Variants in MYH15 observed in about 807,000 individuals in gnomAD.
The protein encoded by MYH15 is myosin-15.
A neutral mutation model predicts 240.5 loss-of-function variants in MYH15; 227 were observed. The observed-to-expected ratio is 0.94, with a 90% CI of 0.85 to 1.05. The LOEUF is 1.05. Among genes scored for constraint, MYH15 ranks in the 50% least tolerant of loss-of-function variants. The pLI is 0.00. For missense variants in MYH15, 2,217 were observed against 2,247.5 expected, an observed-to-expected ratio of 0.99 and a Z score of 0.27; for synonymous variants, 785 against 796.7, an observed-to-expected ratio of 0.99 and a Z score of 0.25.
At chr3:108,467,162 C>T (rs1473984669) in intron 14 of MYH15, among the ~76,000 whole-genome samples, 1 of 151,696 alleles carries the variant, frequency 6.6e-6, no homozygotes, top group East Asian at 1.9e-4. Flanking sequence ...CTGAGACATA[C>T]AGGTCTGAGT....
At chr3:108,470,874 T>C (rs762516887) in intron 12 of MYH15, 27 bp from the exon 13 acceptor site, 9 of 1,610,694 alleles carry the variant, frequency 5.6e-6, no homozygotes, top group Non-Finnish European at 6.8e-6. Flanking sequence ...AAACACTCCT[T>C]CATCTGACTG....
chr3:108,421,190 G>C lies in MYH15; in HGVS notation c.3727C>G (p.Leu1243Val), dbSNP rs781200673. The part of the protein sequence containing the change: ...AKANAEKLCT[L>V]YEERLHEATA... ...GCTTCATGCAAGCGCTCTTCATATAGAGTACAGAGTTTCTCAGCATTTGCC... is the reference window on the plus strand; with the variant it reads ...GCTTCATGCAAGCGCTCTTCATATACAGTACAGAGTTTCTCAGCATTTGCC... The change falls in exon 28 of 41, where the codon CTA becomes GTA. Residue 1243 changes from leucine to valine, a missense_variant. Physicochemically the swap from Leu to Val is conservative, Grantham distance 32. Transcript: ENST00000693548. 1 of 1,613,390 alleles carries C rather than the reference G, an allele frequency of 6.2e-7. No individual in the cohort carries two copies. Among genetic ancestry groups the C allele is most frequent in the Admixed American group, 1.7e-5 (1 of 60,020 alleles).
upstream of MYH15, among the ~76,000 whole-genome samples, chr3:108,529,918 A>G (rs976079216): frequency 2.6e-5 from 4 of 152,162 alleles, no homozygotes; most frequent in Non-Finnish European, 4.4e-5. Context: ...GATAGGAGAG[A>G]GCTGCTCAGA....
At chr3:108,519,834 GAT>G (rs1310391999) in intron 1 of MYH15, among the ~76,000 whole-genome samples, 4 of 152,102 alleles carry the variant, frequency 2.6e-5, no homozygotes, top group Non-Finnish European at 5.9e-5. Flanking sequence ...TCTAAAAGAT[GAT>G]ATATAAATTC....
chr3:108,463,174 A>T lies in MYH15; in HGVS notation c.1801T>A (p.Phe601Ile). 2.5e-6 allele frequency: 4 copies of T among 1,613,530 alleles called. No homozygotes were observed. The highest frequency in any genetic ancestry group is 1.7e-6 in the Non-Finnish European group (2 of 1,179,662). Residue 601 changes from phenylalanine to isoleucine, a missense_variant, in exon 16 of 41, where the codon TTT becomes ATT. Transcript: ENST00000693548. ...AGGAGTCTGTTGGAAGACTTCTGAA[A>T]TACAGCTACCACTGTTTCATTAAGG... ...DLLNETVVAV[F>I]QKSSNRLLAS...
At chr3:108,424,251 A>C (rs978272124) in intron 27 of MYH15, among the ~76,000 whole-genome samples, 1 of 152,244 alleles carries the variant, frequency 6.6e-6, no homozygotes, top group African/African-American at 2.4e-5. Context: ...TTGGACAGAT[A>C]GAAAAGGCAC....
intron 12 of MYH15, among the ~76,000 whole-genome samples, chr3:108,473,435 C>T (rs372708730): frequency 2.0e-4 from 30 of 152,256 alleles, no homozygotes; most frequent in African/African-American, 6.3e-4. Context: ...GCATATTTGA[C>T]GCTTAGTATC....
At position 108,389,071 on chromosome 3, in the gene MYH15, G is replaced by A. The variant is rs757653082; in HGVS notation, c.5434C>T (p.Arg1812Cys). ...CCCTCCAGTTCACCTTCCAGTTCAC[G>A]AACCTGCAACCAAAACGTGACCTCA... ...KQIQKLESRV[R>C]ELEGELEGEI... The change falls in exon 38 of 41, where the codon CGT becomes TGT. Residue 1812 changes from arginine to cysteine, a missense_variant. By Grantham distance (180) the Arg-to-Cys change is radical. Coordinates refer to ENST00000693548, the MANE Select transcript of MYH15 (RefSeq NM_014981.3). The A allele has an allele frequency of 4.0e-5, 64 of 1,613,650 alleles. No individual in the cohort carries two copies. The highest frequency in any genetic ancestry group is 4.7e-5 in the Non-Finnish European group (55 of 1,179,818).
rs565648989 is a variant in MYH15, at chr3:108,462,758, T to A, written c.1864+353A>T. Among the ~76,000 whole-genome samples the A allele has an allele frequency of 3.3e-5, 5 of 152,240 alleles. No individual in the cohort carries two copies. The South Asian group carries it at 1.0e-3, about 32-fold the overall frequency. ...TGCTGTGAAAGAGAATATTCTAAGA[T>A]ATTTGGGGCAATAACTATAATTATA... On this transcript the variant is annotated intron_variant, in intron 16 of 40. Transcript: ENST00000693548.
chr3:108,456,848 G>C lies in MYH15; in HGVS notation c.2056C>G (p.Arg686Gly), dbSNP rs764665272. The C allele has an allele frequency of 4.3e-5, 70 of 1,612,704 alleles. 1 individual carries two copies. Among genetic ancestry groups the C allele is most frequent in the Middle Eastern group, 1.6e-4 (1 of 6,078 alleles). The change falls in exon 19 of 41, where the codon CGC (arginine) becomes GGC (glycine). Residue 686 changes from arginine (R) to glycine (G), a missense_variant. By Grantham distance (125) the Arg-to-Gly change is moderately radical. Transcript: ENST00000693548. ...LDPYLVLQQL[R>G]CNGVLEGTRI... The stretch of plus-strand genomic sequence containing the variant: ...GTCCCTTCCAAGACACCATTACAGC[G>C]CAACTGCTGTAGAACCAAGTAAGGG...
At chr3:108,397,702 C>A (rs2082472562) in intron 35 of MYH15, among the ~76,000 whole-genome samples, 1 of 152,186 alleles carries the variant, frequency 6.6e-6, no homozygotes, top group African/African-American at 2.4e-5. Context: ...CTTCGTGTCA[C>A]TTACATAACC....
chr3:108,401,202 G>A (rs2082502030), intron 33 of MYH15, among the ~76,000 whole-genome samples: 1 of 152,122 alleles, frequency 6.6e-6, no homozygotes, highest in African/African-American at 2.4e-5. Flanking sequence ...CAAGACTTCA[G>A]AATATGACTA....
intron 1 of MYH15, among the ~76,000 whole-genome samples, chr3:108,521,911 T>C (rs528594693): frequency 1.4e-4 from 21 of 152,240 alleles, no homozygotes; most frequent in African/African-American, 4.6e-4. Context: ...AAGGGTGTGG[T>C]ATTGTGTCCA....
chr3:108,525,298 A>C (rs2083658513), intron 1 of MYH15, among the ~76,000 whole-genome samples: 1 of 152,090 alleles, frequency 6.6e-6, no homozygotes, highest in Admixed American at 6.6e-5. Context: ...TAAATGAATG[A>C]ACTCACTTTT....
chr3:108,384,841 T>G (rs2107531913), intron 38 of MYH15, 59 bp from the exon 39 acceptor site: 1 of 1,408,710 alleles, frequency 7.1e-7, no homozygotes, highest in Non-Finnish European at 1.0e-6. Flanking sequence ...TCTACGTTGG[T>G]GTAGTCTCAT....
At chr3:108,544,102 A>C in the MYH15 span, among the ~76,000 whole-genome samples, 2 of 152,226 alleles carry the variant, frequency 1.3e-5, no homozygotes, top group African/African-American at 4.8e-5. Flanking sequence ...ATCTAAAAGA[A>C]GCCACTGATT....
chr3:108,500,046 G>C, intron 4 of MYH15, 72 bp downstream of exon 4: 1 of 1,490,602 alleles, frequency 6.7e-7, no homozygotes, highest in East Asian at 2.4e-5. Context: ...CAATGCCTAA[G>C]TGCCTCTTAG....
At chr3:108,426,511 G>A (rs1437207556) in intron 27 of MYH15, among the ~76,000 whole-genome samples, 1 of 152,158 alleles carries the variant, frequency 6.6e-6, no homozygotes, top group Non-Finnish European at 1.5e-5. Flanking sequence ...GTTCAGCTCA[G>A]GTCACCACTC....
intron 12 of MYH15, among the ~76,000 whole-genome samples, chr3:108,471,055 G>C (rs997176523): frequency 2.2e-5 from 1 of 46,298 alleles, no homozygotes; most frequent in African/African-American, 7.5e-5. Context: ...AGGAGAAAGA[G>C]GAAGGAAGGG....
Sources: allele counts gnomAD v4.1 joint callset (sites outside exome capture counted in the v4.1 genomes callset), GRCh38; gene constraint gnomAD v4.1.1; transcripts MANE v1.5; gene names NCBI Gene and HGNC (gene_info 2026-07-23, HGNC 2026-07-21).